The following TNRC6C variants were observed in gnomAD, a reference collection of about 807,000 sequenced individuals.
TNRC6C encodes trinucleotide repeat-containing gene 6C protein.
In TNRC6C, 20 loss-of-function variants were observed where a neutral mutation model predicts 153.7. The observed-to-expected ratio is 0.13, with a 90% CI of 0.09 to 0.19. The LOEUF (loss-of-function observed/expected upper bound fraction) is 0.19, where lower values mean the gene tolerates loss of function less well. Among genes scored for constraint, TNRC6C ranks in the 10% least tolerant of loss-of-function variants. The pLI is 1.00. For synonymous variants in TNRC6C, 811 were observed against 841.4 expected (o/e 0.96, Z 0.63); for missense variants, 1,987 against 2,172.0 (o/e 0.91, Z 1.69).
rs776343638 is a variant in TNRC6C, at chr17:78,075,220, G to A, written c.3002G>A (p.Gly1001Asp). ...AATGGAATGGCCGCCAAGCCCCTCGGCTGCCGCCCGCCAATCTCCAAAGAG... is the reference window on the plus strand; with the variant it reads ...AATGGAATGGCCGCCAAGCCCCTCGACTGCCGCCCGCCAATCTCCAAAGAG... Residue 1001 changes from glycine to aspartate, a missense_variant, in exon 8 of 20, where the codon GGC becomes GAC. Transcript: ENST00000301624. The surrounding 1 kb of genome is among the most constrained non-coding windows in gnomAD (Gnocchi z 4.2). The A allele has an allele frequency of 3.1e-6, 5 of 1,592,192 alleles. No individual in the cohort carries two copies. The highest frequency in any genetic ancestry group is 1.3e-5 in the African/African-American group (1 of 74,548).
chr17:77,983,857 T>A (rs968284561), intron 1 of TNRC6C, among the ~76,000 whole-genome samples: 2 of 152,198 alleles, frequency 1.3e-5, no homozygotes, highest in African/African-American at 2.4e-5. Context: ...AACTGAATTT[T>A]AAGGAGTAAT....
At chr17:77,968,820 A>T (rs1266477670) in intron 1 of TNRC6C, among the ~76,000 whole-genome samples, 1 of 152,228 alleles carries the variant, frequency 6.6e-6, no homozygotes, top group Non-Finnish European at 1.5e-5. Context: ...AGGAACACTC[A>T]CAAAAGTTCT....
chr17:78,082,437 G>C (rs555645378), intron 10 of TNRC6C, among the ~76,000 whole-genome samples: 1 of 152,058 alleles, frequency 6.6e-6, no homozygotes, highest in Non-Finnish European at 1.5e-5. Flanking sequence ...CCTTAAAACA[G>C]AAACACAGTC....
chr17:78,081,597 A>C (rs544342089), intron 10 of TNRC6C, among the ~76,000 whole-genome samples: 1 of 152,326 alleles, frequency 6.6e-6, no homozygotes, highest in African/African-American at 2.4e-5. Flanking sequence ...TGCAGAAAGA[A>C]GCAGTGCAGG....
At chr17:77,997,260 C>G (rs534201645) in intron 1 of TNRC6C, among the ~76,000 whole-genome samples, 1 of 152,256 alleles carries the variant, frequency 6.6e-6, no homozygotes, top group Admixed American at 6.5e-5. Flanking sequence ...TGTATTAACT[C>G]TAAAATGAAA....
chr17:77,971,255 G>T (rs2070937897), intron 1 of TNRC6C, among the ~76,000 whole-genome samples: 1 of 152,204 alleles, frequency 6.6e-6, no homozygotes, highest in South Asian at 2.1e-4. Flanking sequence ...CACCTTGGGT[G>T]ATAAAGTGCT....
chr17:78,099,287 G>A (rs1367061888), intron 17 of TNRC6C, among the ~76,000 whole-genome samples: 1 of 152,176 alleles, frequency 6.6e-6, no homozygotes, highest in Non-Finnish European at 1.5e-5. Flanking sequence ...CAGCCTGGGT[G>A]TAATAATAAT....
At chr17:77,990,444 T>C (rs2071232555) in intron 1 of TNRC6C, among the ~76,000 whole-genome samples, 1 of 152,206 alleles carries the variant, frequency 6.6e-6, no homozygotes, top group South Asian at 2.1e-4. Context: ...CTTTCATTGC[T>C]CTGCAGCCTT....
chr17:77,975,207 G>T (rs2070981759), intron 1 of TNRC6C, among the ~76,000 whole-genome samples: 1 of 152,036 alleles, frequency 6.6e-6, no homozygotes, highest in Non-Finnish European at 1.5e-5. Context: ...TACATCAAAA[G>T]AATCAAATAC....
chr17:78,051,081 C>G (rs1248830510), exon 3 of TNRC6C: 1 of 1,602,906 alleles, frequency 6.2e-7, no homozygotes, highest in African/African-American at 1.3e-5. Context: ...AACCCCAAGA[C>G]AACAATGTGA....
chr17:78,049,246 C>A lies in TNRC6C; in HGVS notation c.184C>A (p.Leu62Met). Reference sequence around the variant, plus strand: ...TGTAGCCACAGGCTCCAGCTCTGGCCTGGCTCACTGCTCTGTCAGTGGTGG... The same window carrying A: ...TGTAGCCACAGGCTCCAGCTCTGGCATGGCTCACTGCTCTGTCAGTGGTGG... The change falls in exon 3 of 20, where the codon CTG (leucine) becomes ATG (methionine). Residue 62 changes from leucine to methionine, a missense_variant. Leu to Met is a conservative substitution (Grantham distance 15). Coordinates refer to ENST00000301624, the Ensembl canonical transcript of TNRC6C. The surrounding 1 kb of genome is among the most constrained non-coding windows in gnomAD (Gnocchi z 4.1). The A allele has an allele frequency of 6.2e-7, 1 of 1,611,038 alleles. No homozygotes were observed.
At chr17:78,022,254 G>C (rs2071848722) in intron 1 of TNRC6C, among the ~76,000 whole-genome samples, 3 of 152,132 alleles carry the variant, frequency 2.0e-5, no homozygotes, top group African/African-American at 7.2e-5. Flanking sequence ...GGAATACTTT[G>C]ACTCTTTAAA....
At chr17:78,106,031 C>G (rs1477718625) in exon 20 of TNRC6C, 1 of 150,136 alleles carries the variant, frequency 6.7e-6, no homozygotes, top group Non-Finnish European at 1.5e-5. Context: ...CACCATTTTT[C>G]CATTTGGAAT....
chr17:78,034,214 T>C (rs2072133818), intron 2 of TNRC6C, among the ~76,000 whole-genome samples: 1 of 152,036 alleles, frequency 6.6e-6, no homozygotes, highest in African/African-American at 2.4e-5. Flanking sequence ...ACCACCACCA[T>C]GCCTGACTAA....
At position 78,049,293 on chromosome 17, in the gene TNRC6C, G is replaced by C; in HGVS notation, c.231G>C (p.Met77Ile). 1 of 1,613,724 alleles carries C rather than the reference G, an allele frequency of 6.2e-7. No individual in the cohort carries two copies. The highest frequency in any genetic ancestry group is 2.2e-5 in the East Asian group (1 of 44,886). Residue 77 changes from methionine to isoleucine, a missense_variant, in exon 3 of 20, where the codon ATG (methionine) becomes ATC (isoleucine). By Grantham distance (10) the Met-to-Ile change is conservative. Around this residue, in one of 4 missense-constraint regions of TNRC6C, gnomAD observed 1,052 missense variants for 1,017.0 expected, o/e 1.03. Transcript: ENST00000301624. This position sits in a 1 kb window ranked among gnomAD's most constrained non-coding sequence, Gnocchi z 4.1. ...GTGGGGATGGAAAAATGGACACTATGATTGGAGATGGGAGAAGTCAGAATT... is the reference window on the plus strand; with the variant it reads ...GTGGGGATGGAAAAATGGACACTATCATTGGAGATGGGAGAAGTCAGAATT...
chr17:77,990,379 TAA>T (rs1333172709), intron 1 of TNRC6C, among the ~76,000 whole-genome samples: 5 of 152,214 alleles, frequency 3.3e-5, no homozygotes, highest in Non-Finnish European at 7.3e-5. Flanking sequence ...GCTCTGAAGA[TAA>T]AGACAAAAAA....
chr17:78,032,262 G>A (rs1436094317), intron 2 of TNRC6C, among the ~76,000 whole-genome samples: 1 of 152,170 alleles, frequency 6.6e-6, no homozygotes, highest in Non-Finnish European at 1.5e-5. Context: ...GTTTCTAACT[G>A]TAACTTAGTC....
At chr17:78,004,919 ATAAAT>A (rs934051896), upstream of TNRC6C, 11 of 651,152 alleles carry the variant, frequency 1.7e-5, no homozygotes, top group African/African-American at 2.1e-4. Flanking sequence ...ATAAATTGTA[ATAAAT>A]TAACTGGGCA....
At chr17:78,048,474 T>G (rs1013757902) in intron 2 of TNRC6C, among the ~76,000 whole-genome samples, 2 of 152,236 alleles carry the variant, frequency 1.3e-5, no homozygotes, top group African/African-American at 2.4e-5. Flanking sequence ...CTACGTGAAC[T>G]TACTGTCATT....
Sources: allele counts gnomAD v4.1 joint callset (sites outside exome capture counted in the v4.1 genomes callset), GRCh38; gene constraint gnomAD v4.1.1; regional missense constraint gnomAD v4.1.1; non-coding constraint Gnocchi (gnomAD v3.1); transcripts MANE v1.5; gene names NCBI Gene and HGNC (gene_info 2026-07-23, HGNC 2026-07-21).